AFG2A: variants seen among roughly 807,000 people sequenced by gnomAD.
AFG2A encodes ATPase family gene 2 protein homolog A.
At chr4:122,926,807 T>C in the AFG2A span, among the ~76,000 whole-genome samples, 1 of 152,248 alleles carries the variant, frequency 6.6e-6, no homozygotes, top group African/African-American at 2.4e-5. Context: ...ATTCATTTTA[T>C]GGCTATTTAT....
chr4:123,049,382 G>A, the AFG2A span, among the ~76,000 whole-genome samples: 1 of 151,936 alleles, frequency 6.6e-6, no homozygotes. Context: ...AAATTTGAAT[G>A]TATTCTCCCT....
the AFG2A span, among the ~76,000 whole-genome samples, chr4:123,095,030 C>CAA: frequency 0.11 from 3,894 of 34,790 alleles, 241 homozygotes; most frequent in East Asian, 0.37. Context: ...TCCCTCCCCA[C>CAA]AAAAAAAAAA....
chr4:123,004,247 TC>T, the AFG2A span, among the ~76,000 whole-genome samples: 7 of 152,276 alleles, frequency 4.6e-5, no homozygotes, highest in South Asian at 1.5e-3. Context: ...AACTCCCTGA[TC>T]CCTTGCGCTT....
the AFG2A span, among the ~76,000 whole-genome samples, chr4:123,196,583 T>C: frequency 6.6e-6 from 1 of 152,180 alleles, no homozygotes; most frequent in Non-Finnish European, 1.5e-5. Flanking sequence ...AGGAATTTCA[T>C]ATGGTGCATG....
the AFG2A span, among the ~76,000 whole-genome samples, chr4:123,226,761 A>C: frequency 6.6e-6 from 1 of 152,122 alleles, no homozygotes; most frequent in Non-Finnish European, 1.5e-5. Flanking sequence ...CTTCCTGTTG[A>C]TTGGAATAGT....
At chr4:123,287,870 G>A in the AFG2A span, among the ~76,000 whole-genome samples, 1 of 152,172 alleles carries the variant, frequency 6.6e-6, no homozygotes, top group Non-Finnish European at 1.5e-5. Flanking sequence ...TGGCATTTGT[G>A]TAAAGACTTG....
At chr4:123,265,430 A>G in the AFG2A span, among the ~76,000 whole-genome samples, 1 of 152,108 alleles carries the variant, frequency 6.6e-6, no homozygotes, top group Admixed American at 6.6e-5. Context: ...CTTACAGTGT[A>G]TGGAGATTCT....
the AFG2A span, chr4:122,929,229 T>A: frequency 6.5e-7 from 1 of 1,535,872 alleles, no homozygotes; most frequent in Non-Finnish European, 8.7e-7. Flanking sequence ...ACTATCTGGA[T>A]CAAAGCTGCC....
At chr4:123,164,021 C>T in the AFG2A span, among the ~76,000 whole-genome samples, 1 of 152,174 alleles carries the variant, frequency 6.6e-6, no homozygotes, top group Non-Finnish European at 1.5e-5. Context: ...GTGTTCTGAT[C>T]AGGCTTGTTT....
At chr4:123,244,450 C>G in the AFG2A span, among the ~76,000 whole-genome samples, 1 of 152,230 alleles carries the variant, frequency 6.6e-6, no homozygotes, top group Admixed American at 6.5e-5. Flanking sequence ...GCAGTATCCA[C>G]AGCTCTGCAT....
the AFG2A span, among the ~76,000 whole-genome samples, chr4:123,259,461 C>T: frequency 1.3e-5 from 2 of 152,212 alleles, no homozygotes; most frequent in Admixed American, 6.5e-5. Context: ...AAGCAGGTTG[C>T]GTCTTTTAGC....
the AFG2A span, among the ~76,000 whole-genome samples, chr4:123,024,345 A>G: frequency 6.6e-6 from 1 of 152,126 alleles, no homozygotes; most frequent in African/African-American, 2.4e-5. Context: ...TGTGAATATG[A>G]AAAAAAGGCC....
chr4:123,016,610 C>G, the AFG2A span, among the ~76,000 whole-genome samples: 1 of 150,150 alleles, frequency 6.7e-6, no homozygotes, highest in Admixed American at 6.6e-5. Context: ...GGATGGCGGC[C>G]GGGCAGAGAC....
At chr4:123,026,505 G>C in the AFG2A span, among the ~76,000 whole-genome samples, 1 of 152,118 alleles carries the variant, frequency 6.6e-6, no homozygotes, top group Non-Finnish European at 1.5e-5. Context: ...ATTTGTGTTG[G>C]ACTGAAGGTT....
the AFG2A span, among the ~76,000 whole-genome samples, chr4:123,051,490 G>A: frequency 1.3e-5 from 2 of 151,704 alleles, no homozygotes; most frequent in African/African-American, 4.8e-5. Context: ...TAATTGTTTT[G>A]TATTTTCTTT....
chr4:123,269,054 C>G, the AFG2A span, among the ~76,000 whole-genome samples: 1 of 152,172 alleles, frequency 6.6e-6, no homozygotes, highest in African/African-American at 2.4e-5. Context: ...ATCATATATT[C>G]TTTTCACCTC....
At chr4:123,170,446 C>A in the AFG2A span, among the ~76,000 whole-genome samples, 10 of 152,204 alleles carry the variant, frequency 6.6e-5, no homozygotes, top group Middle Eastern at 3.4e-3. Context: ...GATATGTGTA[C>A]TTTTTGATAG....
At chr4:122,923,416 T>TAG in the AFG2A span, 4 of 1,436,218 alleles carry the variant, frequency 2.8e-6, no homozygotes, top group Non-Finnish European at 2.9e-6. Flanking sequence ...GGGCGTGGCA[T>TAG]GGGTCTGAGA....
At chr4:122,954,951 G>A in the AFG2A span, among the ~76,000 whole-genome samples, 4 of 152,216 alleles carry the variant, frequency 2.6e-5, no homozygotes, top group South Asian at 2.1e-4. Context: ...TGGTCAGCCC[G>A]GGACCCCCCC....
Sources: gnomAD v4.1 joint callset for allele counts (sites outside exome capture counted in the v4.1 genomes callset) on GRCh38, gnomAD v4.1.1 for gene constraint, MANE v1.5 for transcripts, NCBI Gene and HGNC (gene_info 2026-07-23, HGNC 2026-07-21) for gene names.